Variants in PAPSS1 observed in about 807,000 individuals in gnomAD.
The protein encoded by PAPSS1 is bifunctional 3'-phosphoadenosine 5'-phosphosulfate synthase 1.
Under a neutral mutation model 72.0 loss-of-function variants are expected in PAPSS1, and 50 were observed. The observed-to-expected ratio is 0.69, with a 90% CI of 0.55 to 0.88. The LOEUF (loss-of-function observed/expected upper bound fraction) is 0.88. Ranked by LOEUF, PAPSS1 falls within the 40% of genes least tolerant of loss-of-function variation. PAPSS1 has a pLI of 0.00. For missense variants in PAPSS1, 657 were observed against 782.2 expected, an observed-to-expected ratio of 0.84 and a Z score of 1.91; for synonymous variants, 261 against 263.6, an observed-to-expected ratio of 0.99 and a Z score of 0.09.
chr4:107,631,751 G>A lies in PAPSS1; in HGVS notation c.1616C>T (p.Pro539Leu). 4 of 1,614,030 alleles carry A rather than the reference G, an allele frequency of 2.5e-6. No individual in the cohort carries two copies. The highest frequency in any genetic ancestry group is 1.3e-5 in the African/African-American group (1 of 75,016). ...CGTCAGCACTTTGGCACCATGACTTGGCTCATAAAGATCCTTCCCTGTTTC... is the reference window on the plus strand; with the variant it reads ...CGTCAGCACTTTGGCACCATGACTTAGCTCATAAAGATCCTTCCCTGTTTC... ...HPETGKDLYE[P>L]SHGAKVLTMA... Residue 539 changes from proline (P) to leucine (L), a missense_variant, in exon 11 of 12, where the codon CCA becomes CTA. Coordinates refer to ENST00000265174, the MANE Select transcript of PAPSS1 (RefSeq NM_005443.5).
At chr4:107,718,867 C>T (rs1042675409) in intron 1 of PAPSS1, among the ~76,000 whole-genome samples, 1 of 152,214 alleles carries the variant, frequency 6.6e-6, no homozygotes, top group African/African-American at 2.4e-5. Context: ...CATTCAAATT[C>T]ATGATCTGTC....
At chr4:107,614,967 A>T (rs1725781231) in intron 11 of PAPSS1, among the ~76,000 whole-genome samples, 1 of 30,064 alleles carries the variant, frequency 3.3e-5, no homozygotes, top group African/African-American at 5.2e-5. Context: ...ATCTAAAACT[A>T]GATTTTTTTT....
intron 11 of PAPSS1, among the ~76,000 whole-genome samples, chr4:107,616,584 A>G (rs1422133829): frequency 2.0e-5 from 3 of 152,342 alleles, no homozygotes; most frequent in East Asian, 3.9e-4. Context: ...TATTGGTTCA[A>G]TATAGCACCA....
intron 6 of PAPSS1, among the ~76,000 whole-genome samples, chr4:107,658,478 C>A (rs1727078911): frequency 6.6e-6 from 1 of 152,028 alleles, no homozygotes; most frequent in Non-Finnish European, 1.5e-5. Flanking sequence ...AGATTTCTAG[C>A]ATATCCCATT....
chr4:107,648,458 T>C (rs967214237), intron 9 of PAPSS1, among the ~76,000 whole-genome samples: 14 of 152,146 alleles, frequency 9.2e-5, no homozygotes, highest in Admixed American at 7.2e-4. Context: ...TGCTTCTAAA[T>C]CCTAGTCAAT....
intron 9 of PAPSS1, among the ~76,000 whole-genome samples, chr4:107,645,622 T>C (rs980538312): frequency 1.3e-5 from 2 of 152,244 alleles, no homozygotes; most frequent in Non-Finnish European, 2.9e-5. Flanking sequence ...AATTTTGGAT[T>C]ATAGTTTAGC....
rs745551173 is a variant in PAPSS1, at chr4:107,614,368, T to G, written c.1756A>C (p.Ile586Leu). 7.4e-6 allele frequency: 12 copies of G among 1,613,690 alleles called. No individual in the cohort carries two copies. Among genetic ancestry groups the G allele is most frequent in the Non-Finnish European group, 1.0e-5 (12 of 1,179,714 alleles). The change falls in exon 12 of 12, where the codon ATT becomes CTT. Residue 586 changes from isoleucine (I) to leucine (L), a missense_variant. Transcript: ENST00000265174. ...DSEHHEDFEF[I>L]SGTRMRKLAR... ...AGTTTGCGCATTCGTGTTCCTGAAA[T>G]AAATTCAAAGTCTTCATGGCTAAAG...
At chr4:107,627,058 C>T (rs1316675740) in intron 11 of PAPSS1, among the ~76,000 whole-genome samples, 2 of 152,180 alleles carry the variant, frequency 1.3e-5, no homozygotes, top group East Asian at 3.9e-4. Flanking sequence ...CAATACTACA[C>T]AGTTATTTAA....
chr4:107,709,097 G>A (rs562094302), intron 1 of PAPSS1, among the ~76,000 whole-genome samples: 5 of 152,144 alleles, frequency 3.3e-5, no homozygotes, highest in African/African-American at 7.2e-5. Flanking sequence ...TCTGGCTCAG[G>A]AGGCTGCCTG....
At chr4:107,653,825 A>G (rs916080681) in intron 8 of PAPSS1, among the ~76,000 whole-genome samples, 199 bp from the exon 9 acceptor site, 2 of 152,228 alleles carry the variant, frequency 1.3e-5, no homozygotes, top group Non-Finnish European at 2.9e-5. Context: ...TTGTGAAATA[A>G]CTATCTTTAC....
intron 11 of PAPSS1, among the ~76,000 whole-genome samples, chr4:107,615,833 C>T (rs1381530362): frequency 6.6e-6 from 1 of 152,080 alleles, no homozygotes; most frequent in Non-Finnish European, 1.5e-5. Flanking sequence ...GATTAATCCC[C>T]TTATAAGAAA....
chr4:107,681,877 C>G (rs1722623772), intron 5 of PAPSS1, 138 bp downstream of exon 5: 3 of 575,160 alleles, frequency 5.2e-6, no homozygotes, highest in Middle Eastern at 7.4e-4. Context: ...CATACAGACA[C>G]AGAACACTGT....
chr4:107,693,337 C>T (rs896211724), intron 3 of PAPSS1, among the ~76,000 whole-genome samples: 2 of 152,256 alleles, frequency 1.3e-5, no homozygotes, highest in Non-Finnish European at 1.5e-5. Context: ...GTTGTTGCTG[C>T]AGTCTCTAAA....
intron 5 of PAPSS1, among the ~76,000 whole-genome samples, chr4:107,678,094 AG>A (rs1727706957): frequency 6.6e-6 from 1 of 152,118 alleles, no homozygotes; most frequent in African/African-American, 2.4e-5. Flanking sequence ...TTAAATGACG[AG>A]TTAATGACTG....
intron 5 of PAPSS1, among the ~76,000 whole-genome samples, chr4:107,671,004 G>A (rs1013581706): frequency 6.6e-6 from 1 of 152,154 alleles, no homozygotes; most frequent in South Asian, 2.1e-4. Flanking sequence ...AACCAGTTAG[G>A]GGAATATGGG....
In PAPSS1 at chr4:107,719,971, C is replaced by A. The variant is rs1048247897; in HGVS notation, c.60+149G>T. 4.2e-6 allele frequency: 6 copies of A among 1,429,868 alleles called. No individual in the cohort carries two copies. The East Asian group carries it at 1.8e-4, about 42-fold the overall frequency. 88.6% of individuals were successfully genotyped at this position (1,429,868 alleles called of 1,614,324 possible). On this transcript the variant is annotated intron_variant, in intron 1 of 11. Transcript: ENST00000265174. The stretch of plus-strand genomic sequence containing the variant: ...CTCTGCCTCGCAACCACCCACGGCC[C>A]CAGCCGGGAGGCGCCGCAGCCCCGG...
At chr4:107,629,196 G>T (rs1033773140) in intron 11 of PAPSS1, among the ~76,000 whole-genome samples, 1 of 152,118 alleles carries the variant, frequency 6.6e-6, no homozygotes, top group Admixed American at 6.6e-5. Context: ...ACTGAAGCAA[G>T]AACAAACATC....
At position 107,656,972 on chromosome 4, in the gene PAPSS1, A is replaced by T. The variant is rs1560574519; in HGVS notation, c.819T>A (p.Gly273=). ...TAAAGCCATTCAATGGGGTTGCCCA[A>T]CCTTCTGCCAAAACCTGCACCCACT... is the stretch of plus-strand genomic sequence containing the variant. ...DMQWVQVLAE[G]WATPLNGFMR... is the part of the protein sequence containing the mutation. Residue 273 remains glycine (G), a synonymous_variant, in exon 7 of 12, where the codon GGT becomes GGA. Transcript: ENST00000265174. 6.2e-7 allele frequency: 1 copy of T among 1,614,054 alleles called. No individual in the cohort carries two copies. Among genetic ancestry groups the T allele is most frequent in the Non-Finnish European group, 8.5e-7 (1 of 1,179,920 alleles).
chr4:107,629,631 C>T (rs542408195), intron 11 of PAPSS1, among the ~76,000 whole-genome samples: 5 of 152,220 alleles, frequency 3.3e-5, no homozygotes, highest in African/African-American at 1.2e-4. Flanking sequence ...CGTGGCTTTA[C>T]GAGCACAATC....
Sources: gnomAD v4.1 joint callset for allele counts (sites outside exome capture counted in the v4.1 genomes callset) on GRCh38, gnomAD v4.1.1 for gene constraint, MANE v1.5 for transcripts, NCBI Gene and HGNC (gene_info 2026-07-23, HGNC 2026-07-21) for gene names.